LRRC2: variants seen among roughly 807,000 people sequenced by gnomAD.
LRRC2 encodes the protein leucine rich repeat containing 2.
Under a neutral mutation model 40.2 loss-of-function variants are expected in LRRC2, and 27 were observed. The observed-to-expected ratio is 0.67, with a 90% CI of 0.49 to 0.93. The LOEUF (loss-of-function observed/expected upper bound fraction) is 0.93. LRRC2 is among the 40% of genes least tolerant of loss of function. The pLI is 0.00. For missense variants in LRRC2, 402 were observed against 439.6 expected (o/e 0.91, Z 0.76); for synonymous variants, 147 against 158.9 (o/e 0.92, Z 0.56).
At chr3:46,550,786 A>G (rs935822314) in intron 2 of LRRC2, among the ~76,000 whole-genome samples, 4 of 152,190 alleles carry the variant, frequency 2.6e-5, no homozygotes, top group South Asian at 2.1e-4. Context: ...GGGTCTGCCA[A>G]TGAGAATCCC....
chr3:46,564,435 G>A (rs918014458), intron 1 of LRRC2, among the ~76,000 whole-genome samples: 23 of 151,660 alleles, frequency 1.5e-4, no homozygotes, highest in African/African-American at 5.4e-4. Context: ...GGGGTTTTCC[G>A]GTCACCTAGT....
intron 1 of LRRC2, among the ~76,000 whole-genome samples, chr3:46,555,652 C>G (rs1704774993): frequency 6.6e-6 from 1 of 152,192 alleles, no homozygotes; most frequent in Non-Finnish European, 1.5e-5. Flanking sequence ...GGTCCTCCTA[C>G]ATTCCCACCT....
intron 3 of LRRC2, among the ~76,000 whole-genome samples, chr3:46,543,073 G>A (rs1007599155): frequency 6.6e-6 from 1 of 152,182 alleles, no homozygotes; most frequent in African/African-American, 2.4e-5. Context: ...CAGAGGTGAG[G>A]CCGAAGCACA....
At chr3:46,529,802 G>T in intron 6 of LRRC2, 103 bp downstream of exon 6, 3 of 1,215,482 alleles carry the variant, frequency 2.5e-6, no homozygotes, top group South Asian at 1.6e-5. Context: ...AAAATTAGTT[G>T]ATTCCAAAGA....
chr3:46,552,210 T>C (rs914036851), intron 1 of LRRC2, among the ~76,000 whole-genome samples: 2 of 152,080 alleles, frequency 1.3e-5, no homozygotes, highest in African/African-American at 4.8e-5. Context: ...TTAAATTCAC[T>C]AGTATATGTA....
chr3:46,533,051 G>T (rs1455783807), intron 4 of LRRC2, 142 bp from the exon 5 acceptor site: 2 of 829,704 alleles, frequency 2.4e-6, no homozygotes, highest in Non-Finnish European at 3.7e-6. Flanking sequence ...GTTTTGGGGG[G>T]TGTATCTAAT....
intron 3 of LRRC2, among the ~76,000 whole-genome samples, chr3:46,544,515 G>T (rs1170351191): frequency 1.3e-5 from 2 of 152,216 alleles, no homozygotes; most frequent in Non-Finnish European, 2.9e-5. Flanking sequence ...AAGATACAAA[G>T]AGATGGACGG....
chr3:46,566,257 G>A lies in LRRC2; in HGVS notation c.-100C>T, dbSNP rs1183336925. 1 of 152,228 alleles carries A rather than the reference G, an allele frequency of 6.6e-6. No homozygotes were observed. The highest frequency in any genetic ancestry group is 1.5e-5 in the Non-Finnish European group (1 of 68,116). 9.4% of individuals were successfully genotyped at this position (152,228 alleles called of 1,614,324 possible). On this transcript the variant is annotated 5_prime_UTR_variant, in exon 1 of 9. Transcript: ENST00000395905. The stretch of plus-strand genomic sequence containing the variant: ...CCGCAGAGGCTGTTTACACCGCAGA[G>A]GCTGTTTACACCCGCTGAGCAGCAC...
At chr3:46,534,412 TTTCCTTCC>T (rs139468846) in intron 4 of LRRC2, among the ~76,000 whole-genome samples, 18 of 143,964 alleles carry the variant, frequency 1.3e-4, no homozygotes, top group South Asian at 4.5e-4. Flanking sequence ...TTTCTTTTCT[TTTCCTTCC>T]TTCCTTTCTT....
At chr3:46,525,451 AT>A (rs1280436791) in intron 7 of LRRC2, among the ~76,000 whole-genome samples, 1 of 151,766 alleles carries the variant, frequency 6.6e-6, no homozygotes, top group Non-Finnish European at 1.5e-5. Context: ...GTATCTCGCT[AT>A]GTTACCCACA....
At chr3:46,554,656 AAG>A (rs1553614173) in intron 1 of LRRC2, among the ~76,000 whole-genome samples, 8 of 144,696 alleles carry the variant, frequency 5.5e-5, no homozygotes, top group East Asian at 4.3e-4. Flanking sequence ...AAAAAAAAAA[AAG>A]AAGAAGAAGA....
Position 46,522,404 on chromosome 3 carries a change from TAAATAAATAAATAAAC to T in LRRC2, c.930-762_930-747del, listed in dbSNP as rs1333183468. On this transcript the variant is annotated intron_variant, in intron 7 of 8. Transcript: ENST00000395905. ...ATAAATAAATAAATAAATAAATAAATAAATAAATAAATAAACAAACGATAGGACAGGAACAGAGGCT... is the reference window on the plus strand; with the variant it reads ...ATAAATAAATAAATAAATAAATAAATAAACGATAGGACAGGAACAGAGGCT... 6.1e-4 allele frequency among the ~76,000 whole-genome samples: 90 copies of T among 148,106 alleles called. 1 individual carries two copies. The East Asian group carries it at 9.1e-3, about 15-fold the overall frequency.
intron 4 of LRRC2, among the ~76,000 whole-genome samples, chr3:46,535,310 C>A (rs1704251411): frequency 6.6e-6 from 1 of 152,198 alleles, no homozygotes; most frequent in Non-Finnish European, 1.5e-5. Context: ...TGATATATGT[C>A]TCAGCCATGT....
intron 6 of LRRC2, among the ~76,000 whole-genome samples, chr3:46,529,362 T>C (rs12492797): frequency 0.52 from 78,291 of 151,920 alleles, 21,031 homozygotes; most frequent in South Asian, 0.65. Context: ...GGATTGCTTG[T>C]GCCCAGGAGT....
chr3:46,556,452 C>T (rs1704796585), intron 1 of LRRC2, among the ~76,000 whole-genome samples: 1 of 151,764 alleles, frequency 6.6e-6, no homozygotes, highest in Non-Finnish European at 1.5e-5. Context: ...TGGGTTTCTT[C>T]AGGTTAATTA....
chr3:46,539,601 T>C (rs2107013274), intron 3 of LRRC2, among the ~76,000 whole-genome samples: 1 of 152,356 alleles, frequency 6.6e-6, no homozygotes, highest in Non-Finnish European at 1.5e-5. Context: ...TTAGAAATAC[T>C]TGATAAACCT....
Position 46,527,550 on chromosome 3 carries a change from T to C in LRRC2, c.805A>G (p.Lys269Glu), listed in dbSNP as rs1267383636. ...TAGGGAAGGTAGGTCAACTTGTTTTTATACAAGAGAAAGCTCTGCAGCTCC... is the reference window on the plus strand; with the variant it reads ...TAGGGAAGGTAGGTCAACTTGTTTTCATACAAGAGAAAGCTCTGCAGCTCC... ...LEELQSFLLY[K>E]NKLTYLPYSM... Residue 269 changes from lysine (K) to glutamate (E), a missense_variant, in exon 7 of 9, where the codon AAA (lysine) becomes GAA (glutamate). Physicochemically the swap from Lys to Glu is moderately conservative, Grantham distance 56. Coordinates refer to ENST00000395905, the MANE Select transcript of LRRC2 (RefSeq NM_024512.5). 3 of 1,613,984 alleles carry C rather than the reference T, an allele frequency of 1.9e-6. No homozygotes were observed. The highest frequency in any genetic ancestry group is 2.5e-6 in the Non-Finnish European group (3 of 1,179,950).
At chr3:46,551,411 T>C in intron 2 of LRRC2, 56 bp downstream of exon 2, 1 of 1,576,860 alleles carries the variant, frequency 6.3e-7, no homozygotes, top group Non-Finnish European at 8.6e-7. Flanking sequence ...AACTGTTGCC[T>C]GTCCAAATCC....
intron 1 of LRRC2, among the ~76,000 whole-genome samples, chr3:46,556,576 C>CTTTTTTTTTT (rs143635012): frequency 8.6e-5 from 9 of 104,768 alleles, no homozygotes; most frequent in Admixed American, 3.4e-4. Context: ...GTCATTATTT[C>CTTTTTTTTTT]TTTTTTTTTT....
Sources: gnomAD v4.1 joint callset for allele counts (sites outside exome capture counted in the v4.1 genomes callset) on GRCh38, gnomAD v4.1.1 for gene constraint, MANE v1.5 for transcripts, NCBI Gene and HGNC (gene_info 2026-07-23, HGNC 2026-07-21) for gene names.